Variants in VIPR2 observed in about 807,000 individuals in gnomAD.
VIPR2 encodes the protein vasoactive intestinal peptide receptor 2, also known as vasoactive intestinal polypeptide receptor 2.
A neutral mutation model predicts 58.0 loss-of-function variants in VIPR2; 48 were observed. That is an observed-to-expected ratio of 0.83 (90% CI 0.66 to 1.05). The LOEUF (loss-of-function observed/expected upper bound fraction) is 1.05. Ranked by LOEUF, VIPR2 falls within the 50% of genes least tolerant of loss-of-function variation. VIPR2 has a pLI of 0.00. For synonymous variants in VIPR2, 243 were observed against 235.2 expected, an observed-to-expected ratio of 1.03 and a Z score of -0.30; for missense variants, 534 against 558.0, an observed-to-expected ratio of 0.96 and a Z score of 0.43.
rs558548420 is a variant in VIPR2 at position 159,144,274 on chromosome 7, C to A, written c.51+447G>T. The A allele has an allele frequency of 5.3e-3, 7,197 of 1,345,404 alleles. 29 individuals carry two copies. Among genetic ancestry groups the A allele is most frequent in the Middle Eastern group, 7.2e-3 (37 of 5,170 alleles). The allele number at this position is 1,345,404 out of a possible 1,614,324, so 83.3% of individuals were successfully genotyped here. On this transcript the variant is annotated intron_variant, in intron 1 of 12. Transcript: ENST00000262178. Reference sequence around the variant, plus strand: ...AGGAAACTTTATTTAACCGACGCCACGTCCCCCCGACACTAAAACTAACCA... The same window carrying A: ...AGGAAACTTTATTTAACCGACGCCAAGTCCCCCCGACACTAAAACTAACCA...
chr7:159,130,531 T>G (rs1355930022), intron 2 of VIPR2, among the ~76,000 whole-genome samples: 6 of 151,706 alleles, frequency 4.0e-5, no homozygotes, highest in Non-Finnish European at 7.4e-5. Context: ...CACCCAGAAG[T>G]GATTCAGCCC....
intron 3 of VIPR2, among the ~76,000 whole-genome samples, chr7:159,108,743 C>T (rs1468547503): frequency 2.6e-5 from 4 of 152,156 alleles, no homozygotes; most frequent in African/African-American, 7.2e-5. Context: ...ACCATGCCAT[C>T]GACTAGGAAA....
At chr7:159,077,747 C>A (rs562107534) in intron 4 of VIPR2, among the ~76,000 whole-genome samples, 1 of 148,386 alleles carries the variant, frequency 6.7e-6, no homozygotes, top group South Asian at 2.2e-4. Flanking sequence ...TGAGGTACTA[C>A]AGTGTGCCTG....
At chr7:159,142,314 A>C in intron 2 of VIPR2, 132 bp downstream of exon 2, 1 of 659,628 alleles carries the variant, frequency 1.5e-6, no homozygotes, top group Non-Finnish European at 2.6e-6. Flanking sequence ...ATTAACAAAC[A>C]ATGGGAAGTG....
rs1371778266 is a variant in VIPR2 at position 159,144,456 on chromosome 7, T to G, written c.51+265A>C. The G allele has an allele frequency of 1.9e-6, 3 of 1,542,346 alleles. No individual in the cohort carries two copies. The Admixed American group carries it at 6.0e-5, about 31-fold the overall frequency. The stretch of plus-strand genomic sequence containing the variant: ...GCGTCCAGGAAGAAACGATCCCGTT[T>G]CCAGCAAACCCCGGACGGTGGGGCG... On this transcript the variant is annotated intron_variant, in intron 1 of 12. Transcript: ENST00000262178.
At chr7:159,044,912 C>T (rs1585352395) in intron 5 of VIPR2, among the ~76,000 whole-genome samples, 1 of 152,182 alleles carries the variant, frequency 6.6e-6, no homozygotes, top group African/African-American at 2.4e-5. Flanking sequence ...ATTACAGGCA[C>T]CTGCCACCAT....
intron 4 of VIPR2, among the ~76,000 whole-genome samples, chr7:159,085,428 T>C (rs1174662813): frequency 2.6e-5 from 4 of 152,314 alleles, no homozygotes; most frequent in African/African-American, 4.8e-5. Context: ...CCTGAGTAGC[T>C]GGAACTACAG....
At chr7:159,075,840 G>T (rs2129494724) in intron 4 of VIPR2, among the ~76,000 whole-genome samples, 1 of 151,964 alleles carries the variant, frequency 6.6e-6, no homozygotes, top group Non-Finnish European at 1.5e-5. Context: ...TCAGTGAGTA[G>T]CCCAGGGCCG....
At chr7:159,103,165 T>A (rs1186941701) in intron 4 of VIPR2, among the ~76,000 whole-genome samples, 2 of 152,164 alleles carry the variant, frequency 1.3e-5, no homozygotes, top group Non-Finnish European at 2.9e-5. Context: ...GGGTTCACAG[T>A]GGACATAACA....
chr7:159,103,682 G>T (rs1288959062), intron 4 of VIPR2, 75 bp downstream of exon 4: 34 of 1,106,436 alleles, frequency 3.1e-5, no homozygotes, highest in Non-Finnish European at 4.5e-5. Context: ...CATAATTCTT[G>T]CAGGGCAGGA....
chr7:159,144,743 A>AGCAGCGCGGGAGGCAGCAGCGTCC lies in VIPR2; in HGVS notation c.5_28dup (p.Arg2_Leu9dup). On this transcript the variant is annotated inframe_insertion, in exon 1 of 13. Coordinates refer to ENST00000262178, the MANE Select transcript of VIPR2 (RefSeq NM_003382.5). ...CACGGGGGCGAGCAGCCAGCAGGTCAGCAGCGCGGGAGGCAGCAGCGTCCG... is the reference window on the plus strand; with the variant it reads ...CACGGGGGCGAGCAGCCAGCAGGTCAGCAGCGCGGGAGGCAGCAGCGTCCGCAGCGCGGGAGGCAGCAGCGTCCG... 1 of 1,307,266 alleles carries AGCAGCGCGGGAGGCAGCAGCGTCC rather than the reference A, an allele frequency of 7.6e-7. No homozygotes were observed. The highest frequency in any genetic ancestry group is 1.5e-5 in the African/African-American group (1 of 64,784). The allele number at this position is 1,307,266 out of a possible 1,614,324, so 81.0% of individuals were successfully genotyped here. A position where few individuals can be genotyped will look rare whatever the true frequency, so the allele number is the denominator to read the frequency against.
intron 4 of VIPR2, 111 bp from the exon 5 acceptor site, chr7:159,058,689 C>A (rs753120223): frequency 7.5e-6 from 6 of 798,796 alleles, no homozygotes; most frequent in Non-Finnish European, 1.0e-5. Context: ...CTCTTGCCTG[C>A]CTGGAAGGCA....
chr7:159,141,847 G>A (rs2129498412), intron 2 of VIPR2, among the ~76,000 whole-genome samples: 1 of 152,290 alleles, frequency 6.6e-6, no homozygotes, highest in Admixed American at 6.5e-5. Flanking sequence ...AGGGACAAAG[G>A]CCTTGCTACT....
intron 4 of VIPR2, among the ~76,000 whole-genome samples, chr7:159,082,480 G>A (rs71547596): frequency 1.4e-4 from 22 of 152,160 alleles, no homozygotes; most frequent in Non-Finnish European, 2.5e-4. Context: ...TGGTGGGGTC[G>A]TGGGGGAGGG....
intron 2 of VIPR2, among the ~76,000 whole-genome samples, chr7:159,121,356 A>G (rs1275054706): frequency 6.6e-6 from 1 of 152,158 alleles, no homozygotes; most frequent in Non-Finnish European, 1.5e-5. Context: ...GGGGAGAGAC[A>G]TGACATTCCA....
At chr7:159,121,331 C>T (rs571946761) in intron 2 of VIPR2, among the ~76,000 whole-genome samples, 1 of 152,142 alleles carries the variant, frequency 6.6e-6, no homozygotes. Context: ...CAGTCCTCTC[C>T]CTTCACAGGG....
intron 2 of VIPR2, among the ~76,000 whole-genome samples, chr7:159,134,820 G>A (rs1346679909): frequency 6.6e-6 from 1 of 151,704 alleles, no homozygotes; most frequent in African/African-American, 2.4e-5. Flanking sequence ...ACCACGCCCG[G>A]CTAATTTTTT....
chr7:159,124,997 CTT>C (rs1412935276), intron 2 of VIPR2, among the ~76,000 whole-genome samples: 1 of 152,176 alleles, frequency 6.6e-6, no homozygotes, highest in African/African-American at 2.4e-5. Context: ...TATCCTAAAA[CTT>C]TGCTGAAGTT....
intron 4 of VIPR2, among the ~76,000 whole-genome samples, chr7:159,090,434 A>C (rs375641903): frequency 0.041 from 852 of 20,880 alleles, no homozygotes; most frequent in Middle Eastern, 0.14. Context: ...GGGGCCACCT[A>C]TTGTGACTAT....
Sources: allele counts gnomAD v4.1 joint callset (sites outside exome capture counted in the v4.1 genomes callset), GRCh38; gene constraint gnomAD v4.1.1; transcripts MANE v1.5; gene names NCBI Gene and HGNC (gene_info 2026-07-23, HGNC 2026-07-21).